MATR3: variants seen among roughly 807,000 people sequenced by gnomAD.
MATR3 encodes matrin-3.
MATR3 carries 4 observed loss-of-function variants against 85.5 expected under a neutral mutation model. The observed-to-expected ratio is 0.05, with a 90% confidence interval of 0.02 to 0.11. The LOEUF (loss-of-function observed/expected upper bound fraction) is 0.11. Among genes scored for constraint, MATR3 ranks in the 10% least tolerant of loss-of-function variants. The pLI, the probability that MATR3 is intolerant of heterozygous loss-of-function variation, is 1.00. For synonymous variants in MATR3, 336 were observed against 343.1 expected (o/e 0.98, Z 0.23); for missense variants, 685 against 1,016.1 (o/e 0.67, Z 4.43).
chr5:139,321,887 T>C lies in MATR3; in HGVS notation c.1603-11T>C, dbSNP rs1415143642. ...TAATGTGCTTTGTGGTTTCTTTTCT[T>C]TCTTTTTAAGGCTTTTATTGAGATG... On this transcript the variant is annotated splice_polypyrimidine_tract_variant and intron_variant, in intron 9 of 14. Coordinates refer to ENST00000394805, the MANE Select transcript of MATR3 (RefSeq NM_018834.6). The C allele has an allele frequency of 1.9e-6, 3 of 1,612,364 alleles. No homozygotes were observed. In the Admixed American group the frequency reaches 5.0e-5, roughly 27 times the overall value.
intron 2 of MATR3, among the ~76,000 whole-genome samples, chr5:139,309,871 G>T (rs940205181): frequency 1.7e-4 from 26 of 152,066 alleles, no homozygotes; most frequent in Non-Finnish European, 2.5e-4. Context: ...GTTATTTCTT[G>T]CCTGTTTATA....
intron 7 of MATR3, 120 bp from the exon 8 acceptor site, chr5:139,318,788 A>T: frequency 3.3e-6 from 3 of 922,274 alleles, no homozygotes; most frequent in Non-Finnish European, 5.1e-6. Context: ...TTTCTACTTA[A>T]TGATTAAATA....
intron 3 of MATR3, chr5:139,279,476 C>G (rs1024101421): frequency 1.6e-5 from 3 of 183,274 alleles, no homozygotes; most frequent in African/African-American, 7.2e-5. Flanking sequence ...ATTTGCCTGC[C>G]TTGGCCTCCC....
chr5:139,308,049 G>A lies in MATR3; in HGVS notation c.634G>A (p.Gly212Ser). 6.2e-7 allele frequency: 1 copy of A among 1,614,116 alleles called. No homozygotes were observed. The highest frequency in any genetic ancestry group is 1.1e-5 in the South Asian group (1 of 91,066). ...YDHGSRSQES[G>S]YYDRMDYEDD... ...CCATGGAAGTCGTTCTCAAGAATCT[G>A]GTTATTATGACAGAATGGATTATGA... The change falls in exon 2 of 15, where the codon GGT becomes AGT. Residue 212 changes from glycine to serine, a missense_variant. Gly to Ser is a moderately conservative substitution (Grantham distance 56). Coordinates refer to ENST00000394805, the MANE Select transcript of MATR3 (RefSeq NM_018834.6).
At chr5:139,323,134 TAAATA>T (rs1403294206) in intron 12 of MATR3, among the ~76,000 whole-genome samples, 167 bp downstream of exon 12, 1 of 152,160 alleles carries the variant, frequency 6.6e-6, no homozygotes, top group East Asian at 1.9e-4. Flanking sequence ...AATAAATAAT[TAAATA>T]AGACATTTTA....
intron 12 of MATR3, 128 bp downstream of exon 12, chr5:139,323,095 G>A: frequency 1.1e-6 from 1 of 932,338 alleles, no homozygotes; most frequent in South Asian, 1.8e-5. Context: ...ATATGAACCA[G>A]AATATAAACA....
intron 2 of MATR3, chr5:139,278,651 A>C: frequency 2.7e-6 from 1 of 374,118 alleles, no homozygotes; most frequent in Non-Finnish European, 5.4e-6. Flanking sequence ...TTCCTGTTAA[A>C]GGGTTTGACA....
chr5:139,278,152 G>C (rs1167849751), intron 2 of MATR3, among the ~76,000 whole-genome samples: 1 of 151,968 alleles, frequency 6.6e-6, no homozygotes, highest in East Asian at 1.9e-4. Flanking sequence ...AGGATCACTT[G>C]ACCCAGGAGA....
intron 5 of MATR3, among the ~76,000 whole-genome samples, chr5:139,316,399 C>T (rs1755245577): frequency 6.6e-6 from 1 of 152,076 alleles, no homozygotes; most frequent in Non-Finnish European, 1.5e-5. Context: ...GTGCCCACCA[C>T]CACGCCCAGC....
intron 9 of MATR3, chr5:139,321,666 C>T (rs1755577571): frequency 1.9e-6 from 1 of 539,534 alleles, no homozygotes; most frequent in South Asian, 2.1e-5. Flanking sequence ...TGCCTGTAGA[C>T]CTAGCTACTG....
chr5:139,323,250 T>G (rs1477784639), intron 12 of MATR3, among the ~76,000 whole-genome samples: 1 of 151,942 alleles, frequency 6.6e-6, no homozygotes, highest in Non-Finnish European at 1.5e-5. Flanking sequence ...AGTGGTGTAG[T>G]GGTAGCATAT....
chr5:139,293,466 A>C (rs1753952610), upstream of MATR3: 1 of 152,960 alleles, frequency 6.5e-6, no homozygotes, highest in South Asian at 2.1e-4. Context: ...GTTGACAAAC[A>C]GCCTTTTCGG....
intron 10 of MATR3, 133 bp from the exon 11 acceptor site, chr5:139,322,330 C>T: frequency 8.1e-6 from 7 of 867,938 alleles, no homozygotes; most frequent in Non-Finnish European, 1.9e-6. Flanking sequence ...CTGTAGGCAG[C>T]TTAGGTTCTC....
At chr5:139,313,109 C>T (rs1412977560) in intron 2 of MATR3, 4 of 148,826 alleles carry the variant, frequency 2.7e-5, no homozygotes, top group African/African-American at 7.5e-5. Context: ...TAATTTGGTA[C>T]CTTGGTACCT....
At chr5:139,304,825 T>C (rs1337647437) in intron 1 of MATR3, among the ~76,000 whole-genome samples, 2 of 152,228 alleles carry the variant, frequency 1.3e-5, no homozygotes, top group Non-Finnish European at 2.9e-5. Context: ...CTTTAGTAAG[T>C]GTCTCCATAT....
intron 1 of MATR3, chr5:139,294,091 G>C (rs1754000427): frequency 1.6e-6 from 2 of 1,255,108 alleles, no homozygotes; most frequent in Non-Finnish European, 2.0e-6. Flanking sequence ...GGGAGATTTT[G>C]GGTGAAGAGG....
intron 3 of MATR3, chr5:139,283,452 T>C (rs1753604480): frequency 6.6e-6 from 1 of 152,288 alleles, no homozygotes; most frequent in African/African-American, 2.4e-5. Flanking sequence ...CAGCCTCTGC[T>C]ACCTCTAACC....
chr5:139,315,964 T>C, intron 4 of MATR3, 112 bp from the exon 5 acceptor site: 1 of 877,376 alleles, frequency 1.1e-6, no homozygotes, highest in Non-Finnish European at 1.9e-6. Context: ...ACAGATACTC[T>C]GAAAGATTGA....
intron 1 of MATR3, among the ~76,000 whole-genome samples, chr5:139,303,936 G>T (rs948011878): frequency 6.6e-6 from 1 of 152,128 alleles, no homozygotes; most frequent in Non-Finnish European, 1.5e-5. Flanking sequence ...TGAATTTTCA[G>T]GGTATGTGAA....
Sources: gnomAD v4.1 joint callset for allele counts (sites outside exome capture counted in the v4.1 genomes callset) on GRCh38, gnomAD v4.1.1 for gene constraint, MANE v1.5 for transcripts, NCBI Gene and HGNC (gene_info 2026-07-23, HGNC 2026-07-21) for gene names.